MTHFD1L: variants seen among roughly 807,000 people sequenced by gnomAD.
MTHFD1L encodes the protein methylenetetrahydrofolate dehydrogenase (NADP+ dependent) 1 like.
Under a neutral mutation model 119.5 loss-of-function variants are expected in MTHFD1L, and 81 were observed. That is an observed-to-expected ratio of 0.68 (90% CI 0.57 to 0.82). MTHFD1L has a LOEUF of 0.82. Among genes scored for constraint, MTHFD1L ranks in the 40% least tolerant of loss-of-function variants. The pLI, the probability that MTHFD1L is intolerant of heterozygous loss-of-function variation, is 0.00. For missense variants in MTHFD1L, 1,125 were observed against 1,253.4 expected (o/e 0.90, Z 1.55); for synonymous variants, 430 against 475.2 (o/e 0.90, Z 1.24).
Position 150,922,312 on chromosome 6 carries a change from G to C in MTHFD1L, c.1082+10G>C. 2 of 1,611,010 alleles carry C rather than the reference G, an allele frequency of 1.2e-6. No homozygotes were observed. The highest frequency in any genetic ancestry group is 2.7e-5 in the African/African-American group (2 of 74,964). On this transcript the variant is annotated intron_variant, in intron 10 of 27. Coordinates refer to ENST00000367321, the MANE Select transcript of MTHFD1L (RefSeq NM_015440.5). ...TCTCCCCTGTGCCAAGGTAACACTG[G>C]TGTTTTATTTACACTGATGTCAGCT... is the stretch of plus-strand genomic sequence containing the variant.
chr6:151,072,528 A>G (rs9383860), intron 26 of MTHFD1L, among the ~76,000 whole-genome samples: 109,444 of 151,994 alleles, frequency 0.72, 41,929 homozygotes, highest in East Asian at 0.91. Context: ...GGTGGCTCAC[A>G]CCTGGAATCC....
At chr6:150,937,696 C>T (rs531226270) in intron 12 of MTHFD1L, among the ~76,000 whole-genome samples, 10 of 152,238 alleles carry the variant, frequency 6.6e-5, no homozygotes, top group African/African-American at 2.2e-4. Flanking sequence ...TGTTTCCTAC[C>T]GCCATGTGAC....
intron 20 of MTHFD1L, among the ~76,000 whole-genome samples, chr6:151,003,039 A>G (rs1780842753): frequency 6.6e-6 from 1 of 152,294 alleles, no homozygotes; most frequent in Non-Finnish European, 1.5e-5. Flanking sequence ...CCTCCAGTCG[A>G]GAAGGGCTGA....
rs1415209119 is a variant in MTHFD1L, at chr6:150,865,850, C to A, written c.28C>A (p.Arg10Ser). The A allele has an allele frequency of 5.7e-6, 7 of 1,226,874 alleles. No individual in the cohort carries two copies. The African/African-American group carries it at 6.4e-5, about 11-fold the overall frequency. The allele number at this position is 1,226,874 out of a possible 1,614,324, so 76.0% of individuals were successfully genotyped here. MGTRLPLVL[R>S]QLRRPPQPPG... ...GGGCACGCGTCTGCCGCTCGTCCTG[C>A]GCCAGCTCCGCCGCCCGCCCCAGCC... The change falls in exon 1 of 28, where the codon CGC (arginine) becomes AGC (serine). Residue 10 changes from arginine (R) to serine (S), a missense_variant. Arg to Ser is a moderately radical substitution (Grantham distance 110, BLOSUM62 -1). Transcript: ENST00000367321.
intron 11 of MTHFD1L, among the ~76,000 whole-genome samples, chr6:150,927,039 C>G (rs1790115797): frequency 1.3e-5 from 2 of 152,074 alleles, no homozygotes; most frequent in Admixed American, 6.6e-5. Flanking sequence ...GTATACAAAG[C>G]TTCAGGCACA....
chr6:150,980,794 G>A (rs568633708), intron 20 of MTHFD1L, among the ~76,000 whole-genome samples: 3 of 151,958 alleles, frequency 2.0e-5, no homozygotes, highest in South Asian at 4.2e-4. Context: ...AGTTCCCGTG[G>A]ACCCTCCTGA....
intron 4 of MTHFD1L, among the ~76,000 whole-genome samples, chr6:150,881,210 T>C (rs1781348128): frequency 6.6e-6 from 1 of 152,220 alleles, no homozygotes; most frequent in Non-Finnish European, 1.5e-5. Context: ...CTAGTAGTTT[T>C]ATGGTTTGAG....
chr6:150,904,582 C>A lies in MTHFD1L; in HGVS notation c.781-1068C>A, dbSNP rs191862944. On this transcript the variant is annotated intron_variant, in intron 7 of 27. Coordinates refer to ENST00000367321, the MANE Select transcript of MTHFD1L (RefSeq NM_015440.5). ...TGACCTGTACAATTATAGCTATTCT[C>A]TTCTGCAAGTCTAATATTCCTATTC... Among the ~76,000 whole-genome samples, 3 of 152,304 alleles carry A rather than the reference C, an allele frequency of 2.0e-5. No individual in the cohort carries two copies. The East Asian group carries it at 5.8e-4, about 29-fold the overall frequency.
chr6:150,866,408 G>A, intron 1 of MTHFD1L: 3 of 1,365,242 alleles, frequency 2.2e-6, no homozygotes, highest in Non-Finnish European at 2.8e-6. Flanking sequence ...GGTGCGGCTG[G>A]GGCGGAAACC....
At chr6:150,971,601 T>TA (rs1362654606) in intron 19 of MTHFD1L, among the ~76,000 whole-genome samples, 1 of 152,148 alleles carries the variant, frequency 6.6e-6, no homozygotes, top group Non-Finnish European at 1.5e-5. Flanking sequence ...TTCATTCTTT[T>TA]AAAAAAATAT....
At chr6:150,932,149 G>A (rs970966017) in intron 11 of MTHFD1L, among the ~76,000 whole-genome samples, 6 of 105,352 alleles carry the variant, frequency 5.7e-5, no homozygotes, top group Non-Finnish European at 8.5e-5. Flanking sequence ...GCAACAGAGT[G>A]AGACTCCATC....
intron 26 of MTHFD1L, among the ~76,000 whole-genome samples, chr6:151,054,198 T>C (rs1366264112): frequency 1.3e-5 from 2 of 152,096 alleles, no homozygotes; most frequent in Admixed American, 1.3e-4. Flanking sequence ...ATATCTTTCT[T>C]TGGAGTAGGA....
chr6:150,959,764 TA>T (rs1414612005), intron 17 of MTHFD1L, among the ~76,000 whole-genome samples: 3 of 152,160 alleles, frequency 2.0e-5, no homozygotes, highest in African/African-American at 4.8e-5. Flanking sequence ...GACCTATTAC[TA>T]ACAAGGGAGG....
intron 20 of MTHFD1L, among the ~76,000 whole-genome samples, chr6:151,006,478 C>G (rs1374983479): frequency 6.6e-6 from 1 of 152,030 alleles, no homozygotes; most frequent in Non-Finnish European, 1.5e-5. Context: ...GTGGCCTTGA[C>G]TTTTATATTA....
chr6:150,959,669 G>A (rs530969948), intron 17 of MTHFD1L, among the ~76,000 whole-genome samples: 1 of 152,310 alleles, frequency 6.6e-6, no homozygotes, highest in East Asian at 1.9e-4. Flanking sequence ...ATCCAGCTCT[G>A]GGAAAGTAGC....
rs571110520 is a variant in MTHFD1L at position 150,880,341 on chromosome 6, A to G, written c.418-2421A>G. Among the ~76,000 whole-genome samples, 8 of 152,258 alleles carry G rather than the reference A, an allele frequency of 5.3e-5. No homozygotes were observed. The East Asian group carries it at 1.5e-3, about 29-fold the overall frequency. ...TCAGCTTTCCTAGATTGCACATGTA[A>G]GTGACATCCTATGATATTTGCCTTT... On this transcript the variant is annotated intron_variant, in intron 4 of 27. Transcript: ENST00000367321.
At chr6:151,004,602 T>C (rs1285879587) in intron 20 of MTHFD1L, among the ~76,000 whole-genome samples, 1 of 152,210 alleles carries the variant, frequency 6.6e-6, no homozygotes, top group Non-Finnish European at 1.5e-5. Flanking sequence ...AGAATTGTTT[T>C]GACTCTCCAT....
intron 1 of MTHFD1L, chr6:150,866,572 C>T: frequency 8.1e-7 from 1 of 1,227,444 alleles, no homozygotes; most frequent in Non-Finnish European, 1.0e-6. Flanking sequence ...CCCTTCCCCG[C>T]GCGCGGCCCC....
intron 18 of MTHFD1L, among the ~76,000 whole-genome samples, chr6:150,964,084 G>T (rs192441405): frequency 3.3e-5 from 5 of 152,264 alleles, no homozygotes; most frequent in African/African-American, 7.2e-5. Flanking sequence ...CAGAAGAATC[G>T]CTTGAACCCT....
Sources: gnomAD v4.1 joint callset for allele counts (sites outside exome capture counted in the v4.1 genomes callset) on GRCh38, gnomAD v4.1.1 for gene constraint, MANE v1.5 for transcripts, NCBI Gene and HGNC (gene_info 2026-07-23, HGNC 2026-07-21) for gene names.